Variants in FRMD4B observed in about 807,000 individuals in gnomAD.
FRMD4B encodes the protein FERM domain containing 4B, also known as FERM domain-containing protein 4B.
In FRMD4B, 74 loss-of-function variants were observed where a neutral mutation model predicts 141.5. That is an observed-to-expected ratio of 0.52 (90% confidence interval 0.43 to 0.63). FRMD4B has a LOEUF of 0.63. Among genes scored for constraint, FRMD4B ranks in the 30% least tolerant of loss-of-function variants. The pLI, the probability that FRMD4B is intolerant of heterozygous loss-of-function variation, is 0.00. For synonymous variants in FRMD4B, 506 were observed against 467.9 expected (o/e 1.08, Z -1.05); for missense variants, 1,366 against 1,253.4 (o/e 1.09, Z -1.36).
intron 1 of FRMD4B, among the ~76,000 whole-genome samples, chr3:69,352,077 T>C (rs1485946628): frequency 6.6e-6 from 1 of 152,126 alleles, no homozygotes; most frequent in African/African-American, 2.4e-5. Context: ...CAGAGTATGC[T>C]CTGGAGTGGG....
chr3:69,193,502 C>G, intron 17 of FRMD4B, 146 bp downstream of exon 17: 1 of 608,850 alleles, frequency 1.6e-6, no homozygotes. Context: ...GAGTGAAACT[C>G]TGTCTCCAAA....
intron 1 of FRMD4B, among the ~76,000 whole-genome samples, chr3:69,487,945 A>G (rs1349812152): frequency 2.0e-5 from 3 of 152,316 alleles, no homozygotes; most frequent in African/African-American, 4.8e-5. Flanking sequence ...TTTTATTTGT[A>G]TTATTGTATG....
chr3:69,456,104 T>G (rs1006682991), intron 1 of FRMD4B, among the ~76,000 whole-genome samples: 48 of 152,296 alleles, frequency 3.2e-4, no homozygotes, highest in South Asian at 1.9e-3. Context: ...TTCCATCACT[T>G]ATATAGGGAT....
At chr3:69,212,032 C>CAAA in intron 11 of FRMD4B, among the ~76,000 whole-genome samples, 1 of 142,082 alleles carries the variant, frequency 7.0e-6, no homozygotes, top group East Asian at 2.0e-4. Context: ...AGACACCCCC[C>CAAA]AAAAAAAAAA....
At chr3:69,343,961 C>G (rs539497498) in intron 1 of FRMD4B, among the ~76,000 whole-genome samples, 7 of 152,182 alleles carry the variant, frequency 4.6e-5, no homozygotes, top group Non-Finnish European at 8.8e-5. Flanking sequence ...TTATATTCCC[C>G]AACTGGTAAT....
rs117893877 is a variant in FRMD4B, at chr3:69,490,683, T to C, written c.-129+51523A>G. On this transcript the variant is annotated intron_variant, in intron 1 of 5. Transcript: ENST00000459638. ...TTCTGTCTTGGTTTCCATATTCCCA[T>C]TTGTATTTGTTTGCTTGCTTGCTAA... Among the ~76,000 whole-genome samples the C allele has an allele frequency of 1.1e-4, 17 of 152,226 alleles. No individual in the cohort carries two copies. In the East Asian group the frequency reaches 3.1e-3, roughly 28 times the overall value.
intron 1 of FRMD4B, among the ~76,000 whole-genome samples, chr3:69,320,011 A>G (rs1220143830): frequency 1.3e-5 from 2 of 152,194 alleles, no homozygotes; most frequent in African/African-American, 4.8e-5. Context: ...AATAGAAAGC[A>G]TCTTAGACGG....
intron 1 of FRMD4B, among the ~76,000 whole-genome samples, chr3:69,346,176 A>G (rs1469641319): frequency 6.6e-6 from 1 of 152,066 alleles, no homozygotes; most frequent in East Asian, 1.9e-4. Context: ...CAAGAAATAC[A>G]TGATGAATGC....
chr3:69,447,489 A>T (rs930240122), intron 1 of FRMD4B, among the ~76,000 whole-genome samples: 1 of 152,244 alleles, frequency 6.6e-6, no homozygotes, highest in African/African-American at 2.4e-5. Context: ...GTGTGGAGTT[A>T]AACAGATTTT....
At chr3:69,332,377 C>T (rs1034271489) in intron 1 of FRMD4B, among the ~76,000 whole-genome samples, 2 of 152,132 alleles carry the variant, frequency 1.3e-5, no homozygotes, top group African/African-American at 2.4e-5. Flanking sequence ...ATGTCATACC[C>T]TCATTTTACA....
chr3:69,443,161 G>A (rs1195118976), intron 1 of FRMD4B, among the ~76,000 whole-genome samples: 2 of 152,296 alleles, frequency 1.3e-5, no homozygotes, highest in East Asian at 3.9e-4. Context: ...CTGACCCCCA[G>A]GGAGGGGAGA....
chr3:69,455,098 G>A (rs1328555954), intron 1 of FRMD4B, among the ~76,000 whole-genome samples: 1 of 152,192 alleles, frequency 6.6e-6, no homozygotes, highest in African/African-American at 2.4e-5. Flanking sequence ...CTCAGGGATT[G>A]TAAATGCACC....
chr3:69,424,213 A>G (rs1435551570), intron 2 of FRMD4B, among the ~76,000 whole-genome samples: 1 of 152,168 alleles, frequency 6.6e-6, no homozygotes, highest in Non-Finnish European at 1.5e-5. Context: ...ATTTCCCCCT[A>G]GGTGTGATGT....
intron 5 of FRMD4B, among the ~76,000 whole-genome samples, chr3:69,266,680 G>A (rs80279951): frequency 0.034 from 5,222 of 152,162 alleles, 151 homozygotes; most frequent in East Asian, 0.1. Flanking sequence ...TATTCTTTAC[G>A]TATGAATGCT....
At chr3:69,270,569 C>CTTTTT (rs57693333) in intron 5 of FRMD4B, among the ~76,000 whole-genome samples, 15 of 144,820 alleles carry the variant, frequency 1.0e-4, no homozygotes, top group East Asian at 2.1e-4. Context: ...TTCTTTTTTT[C>CTTTTT]TTTTTTTTTT....
chr3:69,426,069 C>A (rs112135617), intron 2 of FRMD4B, among the ~76,000 whole-genome samples: 277 of 152,330 alleles, frequency 1.8e-3, no homozygotes, highest in African/African-American at 6.4e-3. Flanking sequence ...AAATACCTCA[C>A]ACAAAGGCAA....
chr3:69,338,571 C>T (rs1702632946), intron 1 of FRMD4B, among the ~76,000 whole-genome samples: 1 of 152,060 alleles, frequency 6.6e-6, no homozygotes, highest in Non-Finnish European at 1.5e-5. Flanking sequence ...CATAAGCAAA[C>T]TAATAAAGGC....
chr3:69,453,936 T>C (rs1238384767), intron 1 of FRMD4B, among the ~76,000 whole-genome samples: 1 of 152,120 alleles, frequency 6.6e-6, no homozygotes, highest in Non-Finnish European at 1.5e-5. Flanking sequence ...ACTTGGTATC[T>C]CCTCACTTAA....
intron 13 of FRMD4B, 35 bp from the exon 14 acceptor site, chr3:69,196,431 C>A: frequency 6.6e-7 from 1 of 1,519,434 alleles, no homozygotes; most frequent in South Asian, 1.2e-5. Flanking sequence ...AGAATTAACT[C>A]AAACATACTT....
Sources: gnomAD v4.1 joint callset for allele counts (sites outside exome capture counted in the v4.1 genomes callset) on GRCh38, gnomAD v4.1.1 for gene constraint, MANE v1.5 for transcripts, NCBI Gene and HGNC (gene_info 2026-07-23, HGNC 2026-07-21) for gene names.